ANKRD26: variants seen among roughly 807,000 people sequenced by gnomAD.
The protein encoded by ANKRD26 is ankyrin repeat domain-containing protein 26.
Under a neutral mutation model 208.7 loss-of-function variants are expected in ANKRD26, and 141 were observed. The ratio of observed to expected loss-of-function variants is 0.68; its 90% CI spans 0.59 to 0.78. ANKRD26 has a LOEUF of 0.78. Ranked by LOEUF, ANKRD26 falls within the 30% of genes least tolerant of loss-of-function variation. The pLI, the probability that ANKRD26 is intolerant of heterozygous loss-of-function variation, is 0.00. For missense variants in ANKRD26, 1,889 were observed against 1,938.7 expected (o/e 0.97, Z 0.48); for synonymous variants, 636 against 660.4 (o/e 0.96, Z 0.57).
rs375997697 is a variant in ANKRD26 at position 27,005,268 on chromosome 10, A to G, written c.*322T>C. On this transcript the variant is annotated 3_prime_UTR_variant, in exon 34 of 34. Transcript: ENST00000376087. Reference sequence around the variant, plus strand: ...AGTCCAATTAGACATCTACCACTACATATAGTGATAAAAATTACAAAATAC... The same window carrying G: ...AGTCCAATTAGACATCTACCACTACGTATAGTGATAAAAATTACAAAATAC... 1.1e-5 allele frequency: 12 copies of G among 1,077,470 alleles called. No individual in the cohort carries two copies. The highest frequency in any genetic ancestry group is 1.6e-4 in the East Asian group (2 of 12,628). 66.7% of individuals were successfully genotyped at this position (1,077,470 alleles called of 1,614,324 possible).
intron 4 of ANKRD26, among the ~76,000 whole-genome samples, 165 bp from the exon 5 acceptor site, chr10:27,086,774 T>TTTG (rs2056134403): frequency 7.1e-6 from 1 of 140,642 alleles, no homozygotes; most frequent in South Asian, 2.4e-4. Context: ...TTTTGTTTTT[T>TTTG]TTTTTTTTTT....
chr10:27,008,473 A>G (rs1460045253), intron 32 of ANKRD26, among the ~76,000 whole-genome samples: 1 of 152,176 alleles, frequency 6.6e-6, no homozygotes, highest in Non-Finnish European at 1.5e-5. Context: ...ATGACGTAAA[A>G]TATACATTTT....
Position 27,036,310 on chromosome 10 carries a change from G to A in ANKRD26, c.2698-558C>T, listed in dbSNP as rs535065971. Among the ~76,000 whole-genome samples, 8 of 151,230 alleles carry A rather than the reference G, an allele frequency of 5.3e-5. No individual in the cohort carries two copies. In the South Asian group the frequency reaches 1.7e-3, roughly 32 times the overall value. On this transcript the variant is annotated intron_variant, in intron 23 of 33. Transcript: ENST00000376087. ...ACTAAGCACTTCTACATATATCAATGAACTCATTTAGTATCACAGTTTTGA... is the reference window on the plus strand; with the variant it reads ...ACTAAGCACTTCTACATATATCAATAAACTCATTTAGTATCACAGTTTTGA...
At chr10:26,998,963 G>T (rs1469597697) in intron 4 of ANKRD26, among the ~76,000 whole-genome samples, 3 of 152,110 alleles carry the variant, frequency 2.0e-5, no homozygotes, top group East Asian at 1.9e-4. Flanking sequence ...ACGTGGAGGT[G>T]GGGGAGGCAC....
In ANKRD26 at chr10:27,086,572, T is replaced by A; in HGVS notation, c.676A>T (p.Ile226Leu). 6.2e-7 allele frequency: 1 copy of A among 1,605,586 alleles called. No homozygotes were observed. The change falls in exon 5 of 34, where the codon ATA becomes TTA. Residue 226 changes from isoleucine to leucine, a missense_variant. Transcript: ENST00000376087. ...QLISEYKEER[I>L]PKHSSQNSNS... ...CTATTTTGAGAAGAATGTTTAGGTA[T>A]CCTTTCTTCTTTATATTCTGAAATT...
chr10:27,012,780 C>T (rs780649837), intron 32 of ANKRD26, 102 bp downstream of exon 32: 105 of 1,200,768 alleles, frequency 8.7e-5, no homozygotes, highest in Non-Finnish European at 1.2e-4. Flanking sequence ...CCACTGCACT[C>T]CAGCCTGGAC....
intron 20 of ANKRD26, 119 bp from the exon 21 acceptor site, chr10:27,040,297 G>T: frequency 1.3e-6 from 1 of 746,018 alleles, no homozygotes; most frequent in Non-Finnish European, 2.3e-6. Flanking sequence ...CCTACAATGT[G>T]GAAGACATTA....
chr10:27,013,056 C>G lies in ANKRD26; in HGVS notation c.4779G>C (p.Gln1593His), dbSNP rs746318386. The change falls in exon 32 of 34, where the codon CAG becomes CAC. Residue 1593 changes from glutamine (Q) to histidine (H), a missense_variant. Transcript: ENST00000376087. The part of the protein sequence containing the change: ...VNTKLLVEKQ[Q>H]SRSLFTTLTT... ...TGAGAGTGGTGAACAAAGATCTGCTCTGCTGTTTTTCCACAAGAAGTTTGG... is the reference window on the plus strand; with the variant it reads ...TGAGAGTGGTGAACAAAGATCTGCTGTGCTGTTTTTCCACAAGAAGTTTGG... 8.1e-6 allele frequency: 13 copies of G among 1,613,892 alleles called. No homozygotes were observed. In the South Asian group the frequency reaches 1.4e-4, roughly 18 times the overall value.
chr10:26,958,576 T>C, the ANKRD26 span, among the ~76,000 whole-genome samples: 1 of 152,188 alleles, frequency 6.6e-6, no homozygotes, highest in Non-Finnish European at 1.5e-5. Context: ...TGGTTTTCTG[T>C]TCCTGTGTTA....
intron 4 of ANKRD26, among the ~76,000 whole-genome samples, chr10:27,090,999 G>C (rs564035990): frequency 6.6e-6 from 1 of 152,304 alleles, no homozygotes; most frequent in South Asian, 2.1e-4. Context: ...AGGAGGCTGA[G>C]GCAGGGGGAT....
chr10:26,958,903 T>C, the ANKRD26 span, among the ~76,000 whole-genome samples: 2 of 152,200 alleles, frequency 1.3e-5, no homozygotes, highest in East Asian at 1.9e-4. Context: ...TCCACAATAG[T>C]TGAAGTATTG....
intron 15 of ANKRD26, 63 bp from the exon 16 acceptor site, chr10:27,053,453 C>T (rs1299660772): frequency 1.9e-6 from 2 of 1,046,948 alleles, no homozygotes; most frequent in African/African-American, 1.6e-5. Flanking sequence ...AAGGTATAGT[C>T]TTTACAGAAA....
At chr10:26,982,583 G>C (rs1236024939) in intron 4 of ANKRD26, among the ~76,000 whole-genome samples, 3 of 150,726 alleles carry the variant, frequency 2.0e-5, no homozygotes, top group African/African-American at 7.3e-5. Flanking sequence ...AGGTGGTCTT[G>C]TCTCATGGAG....
At chr10:26,998,544 T>TATCA (rs2052647154) in intron 4 of ANKRD26, among the ~76,000 whole-genome samples, 2 of 152,248 alleles carry the variant, frequency 1.3e-5, no homozygotes, top group Non-Finnish European at 2.9e-5. Flanking sequence ...AAGGTCTGAA[T>TATCA]GACCTGGGTC....
intron 29 of ANKRD26, among the ~76,000 whole-genome samples, chr10:27,018,510 T>C (rs779362657): frequency 2.0e-5 from 3 of 152,022 alleles, no homozygotes; most frequent in Non-Finnish European, 4.4e-5. Context: ...AAAAAAAGGC[T>C]CCCAGAATAA....
chr10:27,089,108 G>A (rs1005245353), intron 4 of ANKRD26, among the ~76,000 whole-genome samples: 1 of 152,220 alleles, frequency 6.6e-6, no homozygotes, highest in Non-Finnish European at 1.5e-5. Context: ...ATCTCAATCA[G>A]TAAGAGCATC....
chr10:27,056,645 T>C (rs938947899), intron 15 of ANKRD26, among the ~76,000 whole-genome samples: 1 of 151,718 alleles, frequency 6.6e-6, no homozygotes, highest in African/African-American at 2.4e-5. Flanking sequence ...GGTATGATGG[T>C]GCATGCCTGT....
At chr10:27,095,099 T>C (rs2056424746) in intron 1 of ANKRD26, among the ~76,000 whole-genome samples, 1 of 152,228 alleles carries the variant, frequency 6.6e-6, no homozygotes, top group South Asian at 2.1e-4. Context: ...ATGCCACTTG[T>C]AATTCATGAT....
At chr10:27,060,255 A>G in intron 15 of ANKRD26, 90 bp downstream of exon 15, 4 of 1,248,146 alleles carry the variant, frequency 3.2e-6, no homozygotes, top group Non-Finnish European at 4.6e-6. Context: ...GAAAAAAAGA[A>G]TTAGGAATAA....
Sources: gnomAD v4.1 joint callset for allele counts (sites outside exome capture counted in the v4.1 genomes callset) on GRCh38, gnomAD v4.1.1 for gene constraint, MANE v1.5 for transcripts, NCBI Gene and HGNC (gene_info 2026-07-23, HGNC 2026-07-21) for gene names.